ADARB1: variants seen among roughly 807,000 people sequenced by gnomAD.
ADARB1 encodes double-stranded RNA-specific editase 1.
In ADARB1, 10 loss-of-function variants were observed where a neutral mutation model predicts 52.4. That is an observed-to-expected ratio of 0.19 (90% CI 0.12 to 0.32). The LOEUF (loss-of-function observed/expected upper bound fraction) is 0.32, where lower values mean the gene tolerates loss of function less well. Ranked by LOEUF, ADARB1 falls within the 10% of genes least tolerant of loss-of-function variation. The probability of loss-of-function intolerance (pLI) is 1.00; values close to 1 mark genes in which losing one functional copy is unlikely to be tolerated. For missense variants in ADARB1, 643 were observed against 922.3 expected (o/e 0.70, Z 3.92); for synonymous variants, 349 against 371.1 (o/e 0.94, Z 0.68).
At chr21:45,148,754 C>A (rs1315232647) in intron 2 of ADARB1, among the ~76,000 whole-genome samples, 7 of 151,728 alleles carry the variant, frequency 4.6e-5, no homozygotes, top group African/African-American at 1.7e-4. Flanking sequence ...ATCCGCCCCT[C>A]CTCTGGGAGC....
intron 2 of ADARB1, among the ~76,000 whole-genome samples, chr21:45,134,063 G>C (rs1467055568): frequency 8.4e-6 from 1 of 119,636 alleles, no homozygotes; most frequent in Non-Finnish European, 1.8e-5. Context: ...CCCGACAGTG[G>C]TGTGTGCGCC....
At chr21:45,175,661 T>G in intron 3 of ADARB1, 69 bp from the exon 4 acceptor site, 2 of 1,469,570 alleles carry the variant, frequency 1.4e-6, no homozygotes, top group Non-Finnish European at 1.9e-6. Flanking sequence ...GCTAAAGGAA[T>G]CTATAAATTT....
At chr21:45,164,856 C>T (rs1398041234) in intron 2 of ADARB1, among the ~76,000 whole-genome samples, 2 of 152,118 alleles carry the variant, frequency 1.3e-5, no homozygotes, top group Non-Finnish European at 2.9e-5. Flanking sequence ...TTTAGCCCAA[C>T]TTTGGGAGAA....
chr21:45,105,196 G>T (rs2087195643), intron 1 of ADARB1, among the ~76,000 whole-genome samples: 1 of 152,114 alleles, frequency 6.6e-6, no homozygotes, highest in African/African-American at 2.4e-5. Flanking sequence ...TACCTCCTGG[G>T]GTCAAGCAAT....
At chr21:45,161,195 G>C (rs1294679271) in intron 2 of ADARB1, among the ~76,000 whole-genome samples, 1 of 152,168 alleles carries the variant, frequency 6.6e-6, no homozygotes, top group Admixed American at 6.5e-5. Context: ...GCAAGTTGGT[G>C]GGAACCGGGA....
chr21:45,221,495 C>G lies in ADARB1; in HGVS notation c.1926+481C>G, dbSNP rs953436758. 6.6e-6 allele frequency among the ~76,000 whole-genome samples: 1 copy of G among 152,122 alleles called. No individual in the cohort carries two copies. The highest frequency in any genetic ancestry group is 1.5e-5 in the Non-Finnish European group (1 of 68,036). ...TACTAGTTTGTGTGTATTCTTCAGT[C>G]AAGTAGATGGCATCTGTTTATTCTG... On this transcript the variant is annotated intron_variant, in intron 10 of 10. Coordinates refer to ENST00000348831, the MANE Select transcript of ADARB1 (RefSeq NM_001112.4). The surrounding 1 kb of genome is among the most constrained non-coding windows in gnomAD (Gnocchi z 4.9).
At chr21:45,130,519 A>G (rs1427821963) in intron 2 of ADARB1, among the ~76,000 whole-genome samples, 1 of 152,256 alleles carries the variant, frequency 6.6e-6, no homozygotes, top group Non-Finnish European at 1.5e-5. Context: ...CTTTCATAAA[A>G]TAAGAGCTAA....
At chr21:45,211,231 C>T (rs753210411) in intron 9 of ADARB1, among the ~76,000 whole-genome samples, 13 of 152,286 alleles carry the variant, frequency 8.5e-5, no homozygotes, top group African/African-American at 1.7e-4. Context: ...GCCCTTAAGA[C>T]GATCACAATG....
Position 45,150,616 on chromosome 21 carries a change from C to A in ADARB1, c.-47-20994C>A, listed in dbSNP as rs1236534695. 5.3e-5 allele frequency among the ~76,000 whole-genome samples: 8 copies of A among 152,312 alleles called. No individual in the cohort carries two copies. In the East Asian group the frequency reaches 1.4e-3, roughly 26 times the overall value. Reference sequence around the variant, plus strand: ...CCTGAGTCTTACAGTGTTTTGAGGGCCTCCAGCTACATTGGGGTTCCAGTG... The same window carrying A: ...CCTGAGTCTTACAGTGTTTTGAGGGACTCCAGCTACATTGGGGTTCCAGTG... On this transcript the variant is annotated intron_variant, in intron 2 of 10. Coordinates refer to ENST00000348831, the MANE Select transcript of ADARB1 (RefSeq NM_001112.4).
rs966669588 is a variant in ADARB1, at chr21:45,168,147, C to T, written c.-47-3463C>T. ...ATGAGTTTATTTTCCATCTGTAGAT[C>T]CTCTTCGTGTCCTTTGCCCATTTTC... On this transcript the variant is annotated intron_variant, in intron 2 of 10. Coordinates refer to ENST00000348831, the MANE Select transcript of ADARB1 (RefSeq NM_001112.4). 2.4e-4 allele frequency among the ~76,000 whole-genome samples: 37 copies of T among 152,198 alleles called. 1 individual carries two copies. Among genetic ancestry groups the T allele is most frequent in the Middle Eastern group, 3.4e-3 (1 of 294 alleles).
intron 1 of ADARB1, among the ~76,000 whole-genome samples, chr21:45,115,449 C>T (rs1438092237): frequency 6.6e-6 from 1 of 152,258 alleles, no homozygotes; most frequent in Non-Finnish European, 1.5e-5. Flanking sequence ...GATCACTCAA[C>T]TTGTCCCTGA....
intron 7 of ADARB1, 24 bp from the exon 8 acceptor site, chr21:45,184,899 G>A (rs2092049718): frequency 1.3e-6 from 2 of 1,592,252 alleles, no homozygotes; most frequent in East Asian, 2.3e-5. Flanking sequence ...TACCTGTGGG[G>A]TTTTAACTCT....
rs1426617652 is a variant in ADARB1, at chr21:45,074,688, C to A, written c.-325C>A. ...GCCGCGCGAGGCCACGGCCACGCCG[C>A]GCCGCTGCGCACAACCAACGAGGCA... On this transcript the variant is annotated 5_prime_UTR_variant, in exon 1 of 11. Coordinates refer to ENST00000348831, the MANE Select transcript of ADARB1 (RefSeq NM_001112.4). 6.9e-6 allele frequency: 1 copy of A among 145,502 alleles called. No homozygotes were observed. Among genetic ancestry groups the A allele is most frequent in the Non-Finnish European group, 1.5e-5 (1 of 65,192 alleles). 9.0% of individuals were successfully genotyped at this position (145,502 alleles called of 1,614,324 possible).
chr21:45,197,189 G>A (rs1001001899), intron 8 of ADARB1, among the ~76,000 whole-genome samples: 1 of 151,822 alleles, frequency 6.6e-6, no homozygotes, highest in Non-Finnish European at 1.5e-5. Context: ...AACAAAGAGA[G>A]TTTGACAGTT....
At chr21:45,097,806 G>A (rs773885564) in intron 1 of ADARB1, among the ~76,000 whole-genome samples, 69 of 152,128 alleles carry the variant, frequency 4.5e-4, no homozygotes, top group Non-Finnish European at 8.5e-4. Context: ...GAGACAAACC[G>A]CTGCTCCCTA....
chr21:45,107,009 C>T lies in ADARB1; in HGVS notation c.-219-21393C>T, dbSNP rs138471408. On this transcript the variant is annotated intron_variant, in intron 1 of 10. Coordinates refer to ENST00000348831, the MANE Select transcript of ADARB1 (RefSeq NM_001112.4). ...ATAAAACTACCTCTTTTGGGAGTATCTGGAAAACCCTAGAGCAGTCCTGTC... is the reference window on the plus strand; with the variant it reads ...ATAAAACTACCTCTTTTGGGAGTATTTGGAAAACCCTAGAGCAGTCCTGTC... Among the ~76,000 whole-genome samples the T allele has an allele frequency of 1.9e-3, 286 of 152,322 alleles. 3 individuals are homozygous for T. Among genetic ancestry groups the T allele is most frequent in the African/African-American group, 6.7e-3 (279 of 41,572 alleles).
At chr21:45,083,537 A>G (rs1330128814) in intron 1 of ADARB1, among the ~76,000 whole-genome samples, 1 of 152,236 alleles carries the variant, frequency 6.6e-6, no homozygotes, top group African/African-American at 2.4e-5. Flanking sequence ...CCTTTTGGAC[A>G]AGATACAGTT....
At chr21:45,105,436 G>A (rs190272078) in intron 1 of ADARB1, among the ~76,000 whole-genome samples, 2 of 152,262 alleles carry the variant, frequency 1.3e-5, no homozygotes, top group Non-Finnish European at 2.9e-5. Flanking sequence ...TGTATTTTAT[G>A]ATTTTCTAGA....
At chr21:45,147,318 A>G (rs967102912) in intron 2 of ADARB1, among the ~76,000 whole-genome samples, 3 of 152,242 alleles carry the variant, frequency 2.0e-5, no homozygotes, top group Non-Finnish European at 4.4e-5. Context: ...CTTATTTGAA[A>G]TAATTAAAGA....
Sources: allele counts gnomAD v4.1 joint callset (sites outside exome capture counted in the v4.1 genomes callset), GRCh38; gene constraint gnomAD v4.1.1; non-coding constraint Gnocchi (gnomAD v3.1); transcripts MANE v1.5; gene names NCBI Gene and HGNC (gene_info 2026-07-23, HGNC 2026-07-21).